The following TAFA5 variants were observed in gnomAD, a reference collection of about 807,000 sequenced individuals.
TAFA5 encodes the protein TAFA chemokine like family member 5.
Under a neutral mutation model 15.3 loss-of-function variants are expected in TAFA5, and 6 were observed. The ratio of observed to expected loss-of-function variants is 0.39; its 90% CI spans 0.21 to 0.77. The LOEUF is 0.77. TAFA5 is among the 30% of genes least tolerant of loss of function. The pLI, the probability that TAFA5 is intolerant of heterozygous loss-of-function variation, is 0.41. For missense variants in TAFA5, 161 were observed against 193.1 expected (o/e 0.83, Z 0.98); for synonymous variants, 103 against 80.7 (o/e 1.28, Z -1.48).
chr22:48,578,332 T>C (rs1923895351), intron 1 of TAFA5, among the ~76,000 whole-genome samples: 1 of 152,206 alleles, frequency 6.6e-6, no homozygotes, highest in African/African-American at 2.4e-5. Context: ...TGCCTCGCCC[T>C]GCGGCGCTGC....
At chr22:48,544,167 G>A in intron 1 of TAFA5, 1 of 164,492 alleles carries the variant, frequency 6.1e-6, no homozygotes, top group Non-Finnish European at 1.3e-5. Context: ...CCTGGGGTGG[G>A]GTCTTCCCTT....
intron 1 of TAFA5, among the ~76,000 whole-genome samples, chr22:48,554,263 G>A (rs569785794): frequency 2.7e-4 from 41 of 152,150 alleles, no homozygotes; most frequent in African/African-American, 5.3e-4. Context: ...AGTTTAGGCC[G>A]TCATTTTTTT....
intron 2 of TAFA5, among the ~76,000 whole-genome samples, chr22:48,690,121 C>G (rs1009248907): frequency 6.6e-6 from 1 of 152,206 alleles, no homozygotes; most frequent in African/African-American, 2.4e-5. Context: ...TGTGCTCCCC[C>G]CACCCCTCCT....
chr22:48,571,585 T>G (rs1923591809), intron 1 of TAFA5, among the ~76,000 whole-genome samples: 2 of 131,778 alleles, frequency 1.5e-5, no homozygotes, highest in African/African-American at 6.3e-5. Context: ...TTTTTTTTTT[T>G]TTTTTTTTTT....
chr22:48,748,954 G>A (rs946346425), intron 3 of TAFA5, among the ~76,000 whole-genome samples: 4 of 152,172 alleles, frequency 2.6e-5, no homozygotes, highest in South Asian at 4.1e-4. Context: ...GGCCAAGGTC[G>A]GTTCAAGGGC....
At chr22:48,711,709 G>T (rs184549189) in intron 3 of TAFA5, among the ~76,000 whole-genome samples, 184 of 152,332 alleles carry the variant, frequency 1.2e-3, no homozygotes, top group Admixed American at 0.01. Flanking sequence ...AGACTCAGCG[G>T]ATACTGAGTT....
chr22:48,562,395 C>T (rs2147133020), intron 1 of TAFA5, among the ~76,000 whole-genome samples: 1 of 152,320 alleles, frequency 6.6e-6, no homozygotes, highest in South Asian at 2.1e-4. Flanking sequence ...GCCTCGGCCT[C>T]CCAAAGTGCT....
rs1187891229 is a variant in TAFA5 at position 48,593,131 on chromosome 22, G to A, written c.113-53466G>A. On this transcript the variant is annotated intron_variant, in intron 1 of 3. Transcript: ENST00000402357. ...ATGGGAGGTGCCCAAAGTCACGTCC[G>A]CGAACAGTGTCACCTGGGAGACGCC... Among the ~76,000 whole-genome samples the A allele has an allele frequency of 4.6e-5, 7 of 152,198 alleles. No homozygotes were observed. In the South Asian group the frequency reaches 6.2e-4, roughly 13 times the overall value.
chr22:48,711,065 C>G (rs1929237121), intron 3 of TAFA5, among the ~76,000 whole-genome samples: 1 of 152,170 alleles, frequency 6.6e-6, no homozygotes, highest in Non-Finnish European at 1.5e-5. Context: ...AGGGGACCCC[C>G]CAAGCCTCTG....
intron 1 of TAFA5, among the ~76,000 whole-genome samples, chr22:48,515,651 G>A (rs1921377164): frequency 6.6e-6 from 1 of 152,166 alleles, no homozygotes; most frequent in Non-Finnish European, 1.5e-5. Flanking sequence ...GCACCCCTGA[G>A]GCCTCATTGC....
intron 1 of TAFA5, among the ~76,000 whole-genome samples, chr22:48,494,462 G>T (rs926272591): frequency 2.0e-5 from 3 of 152,240 alleles, no homozygotes; most frequent in African/African-American, 7.2e-5. Context: ...AGTGAGCACT[G>T]GGGTGTGGAA....
chr22:48,605,433 T>C (rs980916043), intron 1 of TAFA5, among the ~76,000 whole-genome samples: 2 of 143,238 alleles, frequency 1.4e-5, no homozygotes, highest in Non-Finnish European at 3.0e-5. Context: ...GTGGTGGTGG[T>C]GGTGGTGGTG....
intron 1 of TAFA5, among the ~76,000 whole-genome samples, chr22:48,524,913 G>A (rs541158548): frequency 1.3e-5 from 2 of 152,144 alleles, no homozygotes; most frequent in East Asian, 3.9e-4. Flanking sequence ...TGATCCAGGC[G>A]CGGGTTTCCT....
intron 2 of TAFA5, among the ~76,000 whole-genome samples, chr22:48,675,671 C>T (rs938452159): frequency 6.6e-6 from 1 of 152,246 alleles, no homozygotes; most frequent in African/African-American, 2.4e-5. Context: ...GTGCAAAAGC[C>T]CGGCTTCCCT....
chr22:48,561,722 C>T (rs978469005), intron 1 of TAFA5, among the ~76,000 whole-genome samples: 1 of 152,208 alleles, frequency 6.6e-6, no homozygotes, highest in African/African-American at 2.4e-5. Context: ...ACAAACAATG[C>T]TCCCCCAGGT....
chr22:48,576,670 G>A (rs1257703854), intron 1 of TAFA5: 17 of 1,213,910 alleles, frequency 1.4e-5, no homozygotes, highest in Non-Finnish European at 1.8e-5. Flanking sequence ...CGCTGCCGCC[G>A]CGCTCGGCTG....
Position 48,580,992 on chromosome 22 carries a change from A to G in TAFA5, c.113-65605A>G, listed in dbSNP as rs534159895. Among the ~76,000 whole-genome samples the G allele has an allele frequency of 2.3e-4, 35 of 152,326 alleles. No homozygotes were observed. The South Asian group carries it at 5.8e-3, about 25-fold the overall frequency. On this transcript the variant is annotated intron_variant, in intron 1 of 3. Transcript: ENST00000402357. ...TCAGCCTGCCTCTCCCTGACCCTCC[A>G]GCAGACGCTGTTTGCAAGGCCAGGT... is the stretch of plus-strand genomic sequence containing the variant.
intron 1 of TAFA5, among the ~76,000 whole-genome samples, chr22:48,619,846 G>C (rs551921325): frequency 6.6e-6 from 1 of 152,226 alleles, no homozygotes; most frequent in Non-Finnish European, 1.5e-5. Flanking sequence ...CGTTGCTCTG[G>C]GCCCTGGCTC....
At chr22:48,605,315 GTGATGGTGA>G (rs1294978539) in intron 1 of TAFA5, among the ~76,000 whole-genome samples, 18,320 of 124,654 alleles carry the variant, frequency 0.15, 1,465 homozygotes, top group Admixed American at 0.17. Flanking sequence ...GATGATGGTG[GTGATGGTGA>G]TGATGGTGAT....
Sources: allele counts gnomAD v4.1 joint callset (sites outside exome capture counted in the v4.1 genomes callset), GRCh38; gene constraint gnomAD v4.1.1; transcripts MANE v1.5; gene names NCBI Gene and HGNC (gene_info 2026-07-23, HGNC 2026-07-21).